Variants in AFF3 observed in about 807,000 individuals in gnomAD.
The protein encoded by AFF3 is AF4/FMR2 family member 3.
In AFF3, 32 loss-of-function variants were observed where a neutral mutation model predicts 129.7. The ratio of observed to expected loss-of-function variants is 0.25; its 90% CI spans 0.19 to 0.33. The LOEUF (loss-of-function observed/expected upper bound fraction) is 0.33. Among genes scored for constraint, AFF3 ranks in the 10% least tolerant of loss-of-function variants. The pLI is 1.00. For missense variants in AFF3, 1,373 were observed against 1,592.0 expected (o/e 0.86, Z 2.34); for synonymous variants, 644 against 635.4 (o/e 1.01, Z -0.20).
intron 10 of AFF3, among the ~76,000 whole-genome samples, chr2:99,730,431 G>T (rs1679729860): frequency 1.3e-5 from 2 of 151,992 alleles, no homozygotes; most frequent in South Asian, 4.1e-4. Flanking sequence ...TGTCATATAG[G>T]GACTAAATAT....
intron 8 of AFF3, among the ~76,000 whole-genome samples, chr2:99,798,150 G>A: frequency 6.6e-6 from 1 of 152,100 alleles, no homozygotes; most frequent in South Asian, 2.1e-4. Context: ...GAATTGCAAG[G>A]TTCTTACACT....
intron 7 of AFF3, among the ~76,000 whole-genome samples, chr2:99,854,436 C>A (rs1321380713): frequency 6.6e-6 from 1 of 152,134 alleles, no homozygotes; most frequent in Non-Finnish European, 1.5e-5. Flanking sequence ...CTGTCTTTAG[C>A]AACCCTTTAA....
intron 10 of AFF3, among the ~76,000 whole-genome samples, chr2:99,733,857 G>T (rs537018755): frequency 7.2e-5 from 11 of 152,002 alleles, no homozygotes; most frequent in African/African-American, 2.7e-4. Flanking sequence ...AAAAATATTC[G>T]TAAGGCAAAG....
chr2:99,564,036 T>C (rs1675750170), intron 20 of AFF3, among the ~76,000 whole-genome samples: 1 of 152,140 alleles, frequency 6.6e-6, no homozygotes, highest in African/African-American at 2.4e-5. Flanking sequence ...TTTTGTTTGT[T>C]TGGGCTTGCT....
chr2:100,031,191 G>A (rs62149320), intron 4 of AFF3, among the ~76,000 whole-genome samples: 15,300 of 152,166 alleles, frequency 0.1, 1,083 homozygotes, highest in Non-Finnish European at 0.15. Context: ...GCTGTTTCCC[G>A]ATGGAAGTAC....
rs1239623295 is a variant in AFF3 at position 100,129,205 on chromosome 2, GTATCA to G, written c.-145+14_-145+18del. 3 of 152,202 alleles carry G rather than the reference GTATCA, an allele frequency of 2.0e-5. No individual in the cohort carries two copies. Among genetic ancestry groups the G allele is most frequent in the Admixed American group, 2.0e-4 (3 of 15,278 alleles). The allele number at this position is 152,202 out of a possible 1,614,324, so 9.4% of individuals were successfully genotyped here. On this transcript the variant is annotated intron_variant, in intron 2 of 24. Coordinates refer to ENST00000672756, the MANE Select transcript of AFF3 (RefSeq NM_001386135.1). ...AGGAAACTGCAGCAGAGATATCACT[GTATCA>G]CTTGAATGTGTACCTGCTTGCCAGT...
chr2:99,693,677 G>C (rs879492481), intron 11 of AFF3, among the ~76,000 whole-genome samples: 3 of 152,010 alleles, frequency 2.0e-5, no homozygotes, highest in Non-Finnish European at 4.4e-5. Context: ...TTTATCCAAT[G>C]ATTCTAATAC....
chr2:99,733,101 C>T (rs1316875234), intron 10 of AFF3, among the ~76,000 whole-genome samples: 1 of 151,694 alleles, frequency 6.6e-6, no homozygotes, highest in Admixed American at 6.6e-5. Flanking sequence ...AAAACTTGGC[C>T]GGGCGCGGTA....
intron 7 of AFF3, among the ~76,000 whole-genome samples, chr2:99,868,140 G>C (rs985322255): frequency 1.3e-5 from 2 of 151,938 alleles, no homozygotes; most frequent in Admixed American, 1.3e-4. Flanking sequence ...AGAGTGCTGG[G>C]TTTCTTTCCT....
At chr2:99,719,704 T>G (rs1678714011) in intron 11 of AFF3, among the ~76,000 whole-genome samples, 1 of 152,318 alleles carries the variant, frequency 6.6e-6, no homozygotes, top group African/African-American at 2.4e-5. Flanking sequence ...TGCTTATTAT[T>G]TACATAGTTT....
chr2:99,653,342 T>C (rs181243269), intron 12 of AFF3, among the ~76,000 whole-genome samples: 5 of 152,238 alleles, frequency 3.3e-5, no homozygotes, highest in South Asian at 2.1e-4. Flanking sequence ...AAAAGTTCAA[T>C]AGAAACCTTC....
chr2:99,804,492 G>GT (rs1686189721), intron 8 of AFF3, among the ~76,000 whole-genome samples: 1 of 152,190 alleles, frequency 6.6e-6, no homozygotes, highest in Non-Finnish European at 1.5e-5. Flanking sequence ...TAGTGAGAAT[G>GT]TAAATTAGTA....
intron 18 of AFF3, among the ~76,000 whole-genome samples, chr2:99,572,293 A>AC (rs71376487): frequency 0.026 from 1,116 of 42,810 alleles, 53 homozygotes; most frequent in South Asian, 0.091. Flanking sequence ...CCCTCCCACC[A>AC]CCCCCCCCCC....
intron 4 of AFF3, among the ~76,000 whole-genome samples, chr2:100,044,887 C>G (rs1391774456): frequency 2.0e-5 from 3 of 152,046 alleles, no homozygotes; most frequent in African/African-American, 7.2e-5. Context: ...GGGGGATACT[C>G]CACAGCAGCC....
At chr2:100,055,689 G>T (rs375822360) in intron 4 of AFF3, among the ~76,000 whole-genome samples, 1 of 152,092 alleles carries the variant, frequency 6.6e-6, no homozygotes, top group Admixed American at 6.5e-5. Context: ...TAGGCTTTGC[G>T]GGCCAAATGG....
chr2:99,701,182 C>T (rs1676824413), intron 11 of AFF3, among the ~76,000 whole-genome samples: 1 of 151,980 alleles, frequency 6.6e-6, no homozygotes. Context: ...AAGGTGGCGG[C>T]AGGATAGACT....
In AFF3 at chr2:99,670,828, A is replaced by C. The variant is rs1399141334; in HGVS notation, c.1143+1710T>G. Among the ~76,000 whole-genome samples the C allele has an allele frequency of 5.3e-5, 8 of 152,190 alleles. No individual in the cohort carries two copies. The East Asian group carries it at 1.5e-3, about 29-fold the overall frequency. ...TCATTCTGTCAGTTCCTTTTATTGCAAAAATAGGAAGGTATATTCACATAG... is the reference window on the plus strand; with the variant it reads ...TCATTCTGTCAGTTCCTTTTATTGCCAAAATAGGAAGGTATATTCACATAG... On this transcript the variant is annotated intron_variant, in intron 12 of 24. Transcript: ENST00000672756.
chr2:99,859,560 C>T (rs979483705), intron 7 of AFF3, among the ~76,000 whole-genome samples: 2 of 152,184 alleles, frequency 1.3e-5, no homozygotes, highest in Non-Finnish European at 1.5e-5. Flanking sequence ...TAGAGGATTT[C>T]GATGATTATC....
chr2:99,987,278 T>C (rs939291860), intron 7 of AFF3, among the ~76,000 whole-genome samples: 1 of 152,206 alleles, frequency 6.6e-6, no homozygotes, highest in Non-Finnish European at 1.5e-5. Context: ...CATTCATCAA[T>C]CTGGGGTCCT....
Sources: allele counts gnomAD v4.1 joint callset (sites outside exome capture counted in the v4.1 genomes callset), GRCh38; gene constraint gnomAD v4.1.1; transcripts MANE v1.5; gene names NCBI Gene and HGNC (gene_info 2026-07-23, HGNC 2026-07-21).